The following CPA6 variants were observed in gnomAD, a reference collection of about 807,000 sequenced individuals.
CPA6 encodes carboxypeptidase A6.
Under a neutral mutation model 63.3 loss-of-function variants are expected in CPA6, and 58 were observed. The ratio of observed to expected loss-of-function variants is 0.92; its 90% CI spans 0.74 to 1.14. The LOEUF (loss-of-function observed/expected upper bound fraction) is 1.14. Among genes scored for constraint, CPA6 ranks in the 50% most tolerant of loss-of-function variants. CPA6 has a pLI of 0.00. For synonymous variants in CPA6, 185 were observed against 179.0 expected, an observed-to-expected ratio of 1.03 and a Z score of -0.27; for missense variants, 565 against 526.6, an observed-to-expected ratio of 1.07 and a Z score of -0.71.
Position 67,511,618 on chromosome 8 carries a change from C to T in CPA6, c.355G>A (p.Gly119Arg), listed in dbSNP as rs1229496165. ...TTTCTCTGGGTGTGCAAGCTGCTTC[C>T]CTTCTCCAGTGTTTTCTGAAGATCT... ...IEDLQKTLEK[G>R]SSLHTQRNRR... is the part of the protein sequence containing the mutation. The change falls in exon 4 of 11, where the codon GGA (glycine) becomes AGA (arginine). Residue 119 changes from glycine to arginine, a missense_variant. Gly to Arg is a moderately radical substitution (Grantham distance 125). Transcript: ENST00000297770. 2 of 1,612,386 alleles carry T rather than the reference C, an allele frequency of 1.2e-6. No homozygotes were observed. Among genetic ancestry groups the T allele is most frequent in the Non-Finnish European group, 1.7e-6 (2 of 1,178,570 alleles).
intron 8 of CPA6, among the ~76,000 whole-genome samples, chr8:67,475,920 T>C (rs1367867348): frequency 2.0e-5 from 2 of 101,204 alleles, no homozygotes; most frequent in East Asian, 2.6e-4. Context: ...CTTTCTTTCT[T>C]TCTTTCTTTC....
chr8:67,433,788 G>C (rs1810081367), intron 9 of CPA6, among the ~76,000 whole-genome samples: 1 of 152,170 alleles, frequency 6.6e-6, no homozygotes, highest in Non-Finnish European at 1.5e-5. Context: ...CTGGCTATGA[G>C]ACTTAGTAGT....
intron 2 of CPA6, among the ~76,000 whole-genome samples, chr8:67,611,142 G>C (rs1328444351): frequency 6.6e-6 from 1 of 151,564 alleles, no homozygotes; most frequent in African/African-American, 2.4e-5. Flanking sequence ...GAGTGCAGTG[G>C]TGCAATGCCG....
At chr8:67,597,287 CT>C (rs1814368417) in intron 2 of CPA6, among the ~76,000 whole-genome samples, 2 of 151,698 alleles carry the variant, frequency 1.3e-5, no homozygotes, top group Middle Eastern at 6.8e-3. Flanking sequence ...CAAACTCCGC[CT>C]CCCAGGTTCA....
At chr8:67,696,720 A>T (rs190967428) in intron 1 of CPA6, among the ~76,000 whole-genome samples, 1 of 152,248 alleles carries the variant, frequency 6.6e-6, no homozygotes, top group Non-Finnish European at 1.5e-5. Context: ...TGAACTACAA[A>T]CCATCAAACT....
chr8:67,733,809 T>C lies in CPA6; in HGVS notation c.116+12205A>G, dbSNP rs537812379. Reference sequence around the variant, plus strand: ...CCTGTAGAGTTTGTGGTAGGAAGGATAGAAGCTGAGATAACTCGGGTCAAA... The same window carrying C: ...CCTGTAGAGTTTGTGGTAGGAAGGACAGAAGCTGAGATAACTCGGGTCAAA... On this transcript the variant is annotated intron_variant, in intron 1 of 10. Coordinates refer to ENST00000297770, the MANE Select transcript of CPA6 (RefSeq NM_020361.5). 1.1e-4 allele frequency among the ~76,000 whole-genome samples: 17 copies of C among 148,404 alleles called. No homozygotes were observed. The Middle Eastern group carries it at 0.011, about 94-fold the overall frequency.
chr8:67,510,677 T>C (rs1812023949), intron 4 of CPA6, among the ~76,000 whole-genome samples: 1 of 152,208 alleles, frequency 6.6e-6, no homozygotes, highest in Non-Finnish European at 1.5e-5. Flanking sequence ...GGCATTCCTT[T>C]GTTCAATTCA....
At chr8:67,681,181 C>T (rs1041504464) in intron 1 of CPA6, among the ~76,000 whole-genome samples, 1 of 149,386 alleles carries the variant, frequency 6.7e-6, no homozygotes, top group East Asian at 1.9e-4. Context: ...TTTGCTCAAC[C>T]CAAGGTCACA....
chr8:67,672,332 A>G (rs1816366288), intron 1 of CPA6, among the ~76,000 whole-genome samples: 1 of 151,958 alleles, frequency 6.6e-6, no homozygotes, highest in Non-Finnish European at 1.5e-5. Flanking sequence ...CGTGTGTAAA[A>G]TTTTCTTCCA....
intron 8 of CPA6, among the ~76,000 whole-genome samples, chr8:67,445,488 C>G (rs1355120996): frequency 6.6e-6 from 1 of 151,918 alleles, no homozygotes; most frequent in Middle Eastern, 3.2e-3. Context: ...ATATGTGTCT[C>G]TTGTTTGTAG....
intron 2 of CPA6, among the ~76,000 whole-genome samples, chr8:67,566,267 C>A (rs1449162391): frequency 1.3e-5 from 2 of 152,218 alleles, no homozygotes; most frequent in Non-Finnish European, 2.9e-5. Flanking sequence ...TGACTCATTG[C>A]TGCCCTGTTC....
intron 1 of CPA6, among the ~76,000 whole-genome samples, chr8:67,699,472 T>C (rs888009413): frequency 6.6e-6 from 1 of 151,714 alleles, no homozygotes; most frequent in Non-Finnish European, 1.5e-5. Flanking sequence ...GGATGTTACC[T>C]AGAAAAACAG....
intron 1 of CPA6, among the ~76,000 whole-genome samples, chr8:67,640,058 A>C (rs57577405): frequency 0.35 from 52,997 of 150,474 alleles, 10,239 homozygotes; most frequent in African/African-American, 0.46. Context: ...GAGTCTGGGA[A>C]TTTCATGGGC....
chr8:67,671,317 C>A (rs539687851), intron 1 of CPA6, among the ~76,000 whole-genome samples: 126 of 152,302 alleles, frequency 8.3e-4, no homozygotes, highest in African/African-American at 2.9e-3. Flanking sequence ...CTATCCTAGG[C>A]TTTGCCATCC....
chr8:67,681,200 C>CTTTATTTTTTTTTTTTTTTTT (rs1816586314), intron 1 of CPA6, among the ~76,000 whole-genome samples: 1 of 89,896 alleles, frequency 1.1e-5, no homozygotes, highest in African/African-American at 6.2e-5. Context: ...CAAAGATTTT[C>CTTTATTTTTTTTTTTTTTTTT]TTTTTTTTTT....
At chr8:67,520,328 C>A (rs1397739800) in intron 2 of CPA6, among the ~76,000 whole-genome samples, 1 of 152,184 alleles carries the variant, frequency 6.6e-6, no homozygotes, top group African/African-American at 2.4e-5. Context: ...ATGGACCCTA[C>A]AGCAAGGCTT....
rs891478320 is a variant in CPA6 at position 67,450,036 on chromosome 8, G to A, written c.839-15796C>T. Among the ~76,000 whole-genome samples the A allele has an allele frequency of 3.3e-5, 5 of 151,386 alleles. No homozygotes were observed. The East Asian group carries it at 7.8e-4, about 24-fold the overall frequency. On this transcript the variant is annotated intron_variant, in intron 8 of 10. Coordinates refer to ENST00000297770, the MANE Select transcript of CPA6 (RefSeq NM_020361.5). ...TTGCCACATTGGCCAGGCTGGTCTC[G>A]AACTCCTGACCTCAGGTGATCCAAC... is the stretch of plus-strand genomic sequence containing the variant.
Position 67,731,645 on chromosome 8 carries a change from C to CT in CPA6, c.116+14368dup, listed in dbSNP as rs1263657311. 6.6e-5 allele frequency among the ~76,000 whole-genome samples: 10 copies of CT among 152,338 alleles called. No individual in the cohort carries two copies. The East Asian group carries it at 1.9e-3, about 29-fold the overall frequency. ...TTGCCTTATTTTAAAGGAAGCCTGA[C>CT]TGTACTCTCCAGGACTATTCTGTTT... On this transcript the variant is annotated intron_variant, in intron 1 of 10. Coordinates refer to ENST00000297770, the MANE Select transcript of CPA6 (RefSeq NM_020361.5).
chr8:67,685,535 C>T (rs1292527308), intron 1 of CPA6, among the ~76,000 whole-genome samples: 23 of 152,296 alleles, frequency 1.5e-4, no homozygotes, highest in Admixed American at 1.2e-3. Context: ...AGGAGAATGG[C>T]GTGAGCCCGG....
Sources: gnomAD v4.1 joint callset for allele counts (sites outside exome capture counted in the v4.1 genomes callset) on GRCh38, gnomAD v4.1.1 for gene constraint, MANE v1.5 for transcripts, NCBI Gene and HGNC (gene_info 2026-07-23, HGNC 2026-07-21) for gene names.